The following FOXP1 variants were observed in gnomAD, a reference collection of about 807,000 sequenced individuals.
FOXP1 encodes the protein forkhead box P1, also known as forkhead box protein P1.
A neutral mutation model predicts 98.2 loss-of-function variants in FOXP1; 15 were observed. The ratio of observed to expected loss-of-function variants is 0.15; its 90% CI spans 0.10 to 0.24. The LOEUF (loss-of-function observed/expected upper bound fraction) is 0.24. FOXP1 is among the 10% of genes least tolerant of loss of function. The pLI, the probability that FOXP1 is intolerant of heterozygous loss-of-function variation, is 1.00. For missense variants in FOXP1, 633 were observed against 848.5 expected (o/e 0.75, Z 3.15); for synonymous variants, 371 against 314.5 (o/e 1.18, Z -1.90).
intron 3 of FOXP1, among the ~76,000 whole-genome samples, chr3:71,490,806 T>C (rs924666914): frequency 6.6e-6 from 1 of 152,350 alleles, no homozygotes; most frequent in Middle Eastern, 3.4e-3. Flanking sequence ...GTGGTTTTGT[T>C]AAATTTCATA....
chr3:71,391,289 C>A (rs544003337), intron 3 of FOXP1, among the ~76,000 whole-genome samples: 1 of 152,284 alleles, frequency 6.6e-6, no homozygotes, highest in South Asian at 2.1e-4. Flanking sequence ...CTACTTGCCC[C>A]CACTACAAAA....
intron 6 of FOXP1, among the ~76,000 whole-genome samples, chr3:71,170,494 T>C (rs949954836): frequency 9.9e-5 from 15 of 152,194 alleles, no homozygotes; most frequent in African/African-American, 3.6e-4. Flanking sequence ...CCAACATGGC[T>C]TATGTAGACA....
intron 3 of FOXP1, among the ~76,000 whole-genome samples, chr3:71,364,437 A>T (rs1325399814): frequency 6.6e-6 from 1 of 152,218 alleles, no homozygotes; most frequent in Non-Finnish European, 1.5e-5. Flanking sequence ...TTTACAGGTA[A>T]GAATACTGAG....
chr3:71,427,023 T>C (rs930841839), intron 3 of FOXP1, among the ~76,000 whole-genome samples: 5 of 147,886 alleles, frequency 3.4e-5, no homozygotes, highest in African/African-American at 1.0e-4. Flanking sequence ...ATCGCACCAC[T>C]GCACTCTGGC....
chr3:71,204,330 A>G (rs911497286), intron 5 of FOXP1, among the ~76,000 whole-genome samples: 1 of 152,190 alleles, frequency 6.6e-6, no homozygotes, highest in Non-Finnish European at 1.5e-5. Context: ...ACATAAGACA[A>G]ACAAAGGAGT....
At chr3:71,204,618 A>G (rs2063897911) in intron 5 of FOXP1, among the ~76,000 whole-genome samples, 1 of 152,152 alleles carries the variant, frequency 6.6e-6, no homozygotes, top group African/African-American at 2.4e-5. Context: ...GCAGGTGGCA[A>G]TGAGGAGATG....
At chr3:71,273,089 G>A (rs952295221) in intron 5 of FOXP1, among the ~76,000 whole-genome samples, 2 of 152,160 alleles carry the variant, frequency 1.3e-5, no homozygotes, top group African/African-American at 4.8e-5. Flanking sequence ...CCCCTCTCTT[G>A]TACAACGAGC....
Position 71,416,403 on chromosome 3 carries a change from A to G in FOXP1, c.-167-57159T>C, listed in dbSNP as rs114208602. ...ATTTTAAAATAAAAATTTGCCAGGTATGGTGGTGTACACCACCTGTAATCC... is the reference window on the plus strand; with the variant it reads ...ATTTTAAAATAAAAATTTGCCAGGTGTGGTGGTGTACACCACCTGTAATCC... On this transcript the variant is annotated intron_variant, in intron 3 of 20. Transcript: ENST00000649528. Among the ~76,000 whole-genome samples the G allele has an allele frequency of 7.5e-3, 1,149 of 152,202 alleles. 22 individuals are homozygous for G. Among genetic ancestry groups the G allele is most frequent in the African/African-American group, 0.027 (1,106 of 41,506 alleles).
At chr3:71,294,612 A>G (rs2073097641) in intron 5 of FOXP1, among the ~76,000 whole-genome samples, 2 of 152,078 alleles carry the variant, frequency 1.3e-5, no homozygotes, top group Non-Finnish European at 2.9e-5. Context: ...ATGTATGTAC[A>G]TACATCTGTA....
chr3:71,446,008 T>C (rs938571475), intron 3 of FOXP1, among the ~76,000 whole-genome samples: 1 of 151,992 alleles, frequency 6.6e-6, no homozygotes, highest in East Asian at 1.9e-4. Context: ...TTTTAACACA[T>C]ACAAGTATCT....
At chr3:71,546,534 C>A (rs959802469) in intron 2 of FOXP1, among the ~76,000 whole-genome samples, 6 of 152,076 alleles carry the variant, frequency 3.9e-5, no homozygotes, top group African/African-American at 1.4e-4. Context: ...CACAGAGATG[C>A]ACAAACACCT....
intron 11 of FOXP1, among the ~76,000 whole-genome samples, chr3:71,038,479 A>G (rs2106814945): frequency 6.6e-6 from 1 of 152,310 alleles, no homozygotes; most frequent in South Asian, 2.1e-4. Flanking sequence ...GGCAGTGACA[A>G]GAGACTCCTG....
intron 5 of FOXP1, among the ~76,000 whole-genome samples, chr3:71,246,690 A>C (rs1009887125): frequency 3.3e-5 from 5 of 152,232 alleles, no homozygotes; most frequent in African/African-American, 1.2e-4. Flanking sequence ...CTAAACAGAG[A>C]GATAGCAAAA....
chr3:71,082,233 T>C (rs2054505746), intron 7 of FOXP1, among the ~76,000 whole-genome samples: 1 of 149,746 alleles, frequency 6.7e-6, no homozygotes, highest in Admixed American at 6.7e-5. Flanking sequence ...GAGCCGAGAT[T>C]GCACCACCGC....
At chr3:71,314,199 T>A (rs935824788) in intron 4 of FOXP1, among the ~76,000 whole-genome samples, 1 of 152,166 alleles carries the variant, frequency 6.6e-6, no homozygotes, top group African/African-American at 2.4e-5. Context: ...ATCTAAAACA[T>A]CCTACACCTC....
At chr3:71,431,898 TAA>T (rs557043142) in intron 3 of FOXP1, among the ~76,000 whole-genome samples, 26 of 152,304 alleles carry the variant, frequency 1.7e-4, no homozygotes, top group Admixed American at 5.9e-4. Context: ...GTGATTTTTT[TAA>T]AAAGACTAAA....
At position 71,205,296 on chromosome 3, in the gene FOXP1, A is replaced by C. The variant is rs569200255; in HGVS notation, c.-11-6904T>G. ...AATTTAAAGCAGTAATATGAGGGCC[A>C]AAACTGAACATTATCCATCATAAAT... On this transcript the variant is annotated intron_variant, in intron 5 of 20. Coordinates refer to ENST00000649528, the MANE Select transcript of FOXP1 (RefSeq NM_001349338.3). Among the ~76,000 whole-genome samples the C allele has an allele frequency of 1.6e-4, 24 of 152,358 alleles. No individual in the cohort carries two copies. In the East Asian group the frequency reaches 3.7e-3, roughly 23 times the overall value.
intron 7 of FOXP1, among the ~76,000 whole-genome samples, chr3:71,088,520 T>C (rs1468933787): frequency 6.6e-6 from 1 of 151,512 alleles, no homozygotes. Flanking sequence ...AACCACCCAA[T>C]AATTTGTCAG....
At chr3:71,119,269 C>T (rs1476378876) in intron 6 of FOXP1, among the ~76,000 whole-genome samples, 1 of 152,154 alleles carries the variant, frequency 6.6e-6, no homozygotes, top group Non-Finnish European at 1.5e-5. Flanking sequence ...AGATCCTGAG[C>T]ACCCACAGAA....
Sources: allele counts gnomAD v4.1 joint callset (sites outside exome capture counted in the v4.1 genomes callset), GRCh38; gene constraint gnomAD v4.1.1; transcripts MANE v1.5; gene names NCBI Gene and HGNC (gene_info 2026-07-23, HGNC 2026-07-21).